Variants in DIS3 observed in about 807,000 individuals in gnomAD.
DIS3 encodes exosome complex exonuclease RRP44.
A neutral mutation model predicts 113.0 loss-of-function variants in DIS3; 103 were observed. The observed-to-expected ratio is 0.91, with a 90% confidence interval of 0.78 to 1.07. The LOEUF (loss-of-function observed/expected upper bound fraction) is 1.07. Among genes scored for constraint, DIS3 ranks in the 50% least tolerant of loss-of-function variants. DIS3 has a pLI of 0.00. For missense variants in DIS3, 1,121 were observed against 1,167.1 expected (o/e 0.96, Z 0.58); for synonymous variants, 402 against 394.3 (o/e 1.02, Z -0.23).
chr13:72,775,166 A>C (rs2033977690), intron 6 of DIS3, 45 bp downstream of exon 6: 3 of 1,525,518 alleles, frequency 2.0e-6, no homozygotes, highest in Non-Finnish European at 2.6e-6. Flanking sequence ...CATATTAATA[A>C]TACAAAGCTA....
chr13:72,766,418 A>G (rs2033752836), intron 14 of DIS3, among the ~76,000 whole-genome samples: 1 of 152,184 alleles, frequency 6.6e-6, no homozygotes, highest in South Asian at 2.1e-4. Context: ...ATTGTATTTA[A>G]TTTACTACAG....
chr13:72,781,336 C>T (rs559498299), intron 1 of DIS3: 2 of 1,551,206 alleles, frequency 1.3e-6, no homozygotes, highest in African/African-American at 2.7e-5. Flanking sequence ...CCCAGGTCCC[C>T]GGCCTCCAGG....
intron 14 of DIS3, among the ~76,000 whole-genome samples, chr13:72,767,383 AC>A (rs2033775148): frequency 6.6e-6 from 1 of 152,218 alleles, no homozygotes; most frequent in South Asian, 2.1e-4. Context: ...TAAAAAAAAA[AC>A]TTTGTGGTGT....
chr13:72,771,767 G>A, intron 11 of DIS3, 28 bp downstream of exon 11: 1 of 1,603,102 alleles, frequency 6.2e-7, no homozygotes, highest in Non-Finnish European at 8.5e-7. Flanking sequence ...GTCCATGACT[G>A]TTAAATTTTT....
rs771930385 is a variant in DIS3, at chr13:72,781,641, G to C, written c.192C>G (p.His64Gln). 22 of 1,542,136 alleles carry C rather than the reference G, an allele frequency of 1.4e-5. No homozygotes were observed. The highest frequency in any genetic ancestry group is 2.4e-5 in the South Asian group (2 of 83,558). ...ACACATTAGTGTCGGGCAGCAAGTA[G>C]TGCGGTTGCGGGCAGACGCTGCTCG... is the stretch of plus-strand genomic sequence containing the variant. ...DPASSVCPQP[H>Q]YLLPDTNVLL... Residue 64 changes from histidine (H) to glutamine (Q), a missense_variant, in exon 1 of 21, where the codon CAC (histidine) becomes CAG (glutamine). Coordinates refer to ENST00000377767, the MANE Select transcript of DIS3 (RefSeq NM_014953.5).
At chr13:72,766,148 T>A in intron 14 of DIS3, 90 bp from the exon 15 acceptor site, 1 of 1,093,558 alleles carries the variant, frequency 9.1e-7, no homozygotes, top group South Asian at 1.6e-5. Flanking sequence ...AGACAATGAC[T>A]ACAGCAAGTG....
Position 72,762,100 on chromosome 13 carries a change from G to A in DIS3, c.2165C>T (p.Ala722Val). 6.2e-7 allele frequency: 1 copy of A among 1,614,004 alleles called. No individual in the cohort carries two copies. The change falls in exon 17 of 21, where the codon GCT (alanine) becomes GTT (valine). Residue 722 changes from alanine (A) to valine (V), a missense_variant. Transcript: ENST00000377767. ...AGATTCGGCCTGATCCAAAGACTCA[G>A]CCAAAGACTTGGCTGTATCAGTCTT... ...EIKTDTAKSL[A>V]ESLDQAESPT...
intron 4 of DIS3, 25 bp from the exon 5 acceptor site, chr13:72,776,117 T>C (rs771468510): frequency 6.4e-7 from 1 of 1,574,560 alleles, no homozygotes; most frequent in South Asian, 1.2e-5. Flanking sequence ...AACCAAAAGA[T>C]GCCGCTAATA....
At position 72,775,200 on chromosome 13, in the gene DIS3, T is replaced by C. The variant is rs374986657; in HGVS notation, c.987+11A>G. 62 of 1,601,290 alleles carry C rather than the reference T, an allele frequency of 3.9e-5. No individual in the cohort carries two copies. Among genetic ancestry groups the C allele is most frequent in the Non-Finnish European group, 4.9e-5 (58 of 1,174,854 alleles). ...TACACAGACAAAAAAAAATCCTGCT[T>C]AGATTCATACCATTCGTTCTGTCTC... On this transcript the variant is annotated intron_variant, in intron 6 of 20. Transcript: ENST00000377767.
chr13:72,758,276 A>C lies in DIS3; in HGVS notation c.*1519T>G, dbSNP rs930865737. On this transcript the variant is annotated 3_prime_UTR_variant, in exon 21 of 21. Transcript: ENST00000377767. ...TAGGATACCATAGGGTATACCATCT[A>C]GGTTTGTGTAACTACATCATGATTT... The C allele has an allele frequency of 1.1e-5, 2 of 181,886 alleles. No homozygotes were observed. The highest frequency in any genetic ancestry group is 4.7e-5 in the African/African-American group (2 of 42,450). 11.3% of individuals were successfully genotyped at this position (181,886 alleles called of 1,614,324 possible).
In DIS3 at chr13:72,768,857, T is replaced by C. The variant is rs2033817161; in HGVS notation, c.1811A>G (p.Asp604Gly). The C allele has an allele frequency of 6.2e-7, 1 of 1,607,788 alleles. No individual in the cohort carries two copies. ...TCCACGGAGACTAGTGGTAATATCA[T>C]CATTCATGTTTGCTGAATCAATTCT... Reference protein sequence around the residue: ...QLRIDSANMNDDITTSLRGLN... With the variant: ...QLRIDSANMNGDITTSLRGLN... The change falls in exon 14 of 21, where the codon GAT (aspartate) becomes GGT (glycine). Residue 604 changes from aspartate (D) to glycine (G), a missense_variant. By Grantham distance (94) the Asp-to-Gly change is moderately conservative (BLOSUM62 -1). Coordinates refer to ENST00000377767, the MANE Select transcript of DIS3 (RefSeq NM_014953.5).
intron 13 of DIS3, among the ~76,000 whole-genome samples, chr13:72,769,496 CTTTTT>C (rs199556690): frequency 7.1e-6 from 1 of 141,586 alleles, no homozygotes; most frequent in Non-Finnish European, 1.5e-5. Context: ...ATTTTTTTTC[CTTTTT>C]TTTTTTTTTG....
intron 14 of DIS3, 68 bp downstream of exon 14, chr13:72,768,717 C>T: frequency 8.2e-7 from 1 of 1,217,306 alleles, no homozygotes; most frequent in Non-Finnish European, 1.1e-6. Context: ...AATAATTCAT[C>T]ATTGCCTATG....
intron 10 of DIS3, 72 bp from the exon 11 acceptor site, chr13:72,771,968 G>T: frequency 2.7e-6 from 4 of 1,508,884 alleles, no homozygotes; most frequent in Non-Finnish European, 3.6e-6. Context: ...GTTTTAATAA[G>T]ATAAAGTTTA....
chr13:72,778,150 G>A (rs940911407), intron 3 of DIS3, 37 bp downstream of exon 3: 9 of 1,498,872 alleles, frequency 6.0e-6, no homozygotes, highest in African/African-American at 1.4e-5. Context: ...ACACGCATTT[G>A]CAAACATGCA....
Position 72,758,460 on chromosome 13 carries a change from C to T in DIS3, c.*1335G>A, listed in dbSNP as rs893796904. ...TATATGGCTCCTTACACACTATCAACGGCAGAGTTGTGTACTATAGTTGCA... is the reference window on the plus strand; with the variant it reads ...TATATGGCTCCTTACACACTATCAATGGCAGAGTTGTGTACTATAGTTGCA... On this transcript the variant is annotated 3_prime_UTR_variant, in exon 21 of 21. Transcript: ENST00000377767. 3.9e-5 allele frequency: 8 copies of T among 202,886 alleles called. No individual in the cohort carries two copies. Among genetic ancestry groups the T allele is most frequent in the African/African-American group, 9.2e-5 (4 of 43,666 alleles). The allele number at this position is 202,886 out of a possible 1,614,324, so 12.6% of individuals were successfully genotyped here. A position where few individuals can be genotyped will look rare whatever the true frequency, so the allele number is the denominator to read the frequency against.
chr13:72,769,995 T>C (rs907811460), intron 13 of DIS3, among the ~76,000 whole-genome samples: 2 of 152,170 alleles, frequency 1.3e-5, no homozygotes, highest in Non-Finnish European at 2.9e-5. Flanking sequence ...ATAACCTGGC[T>C]CCATTATGAA....
At chr13:72,781,469 C>A (rs1400564371) in intron 1 of DIS3, 136 bp downstream of exon 1, 3 of 1,445,688 alleles carry the variant, frequency 2.1e-6, no homozygotes, top group African/African-American at 2.9e-5. Flanking sequence ...GAACAGGAAG[C>A]TTCGGTCCCG....
Position 72,757,005 on chromosome 13 carries a change from T to A in DIS3, c.*2790A>T, listed in dbSNP as rs1342971376. The A allele has an allele frequency of 2.6e-5, 4 of 152,204 alleles. No individual in the cohort carries two copies. The highest frequency in any genetic ancestry group is 5.9e-5 in the Non-Finnish European group (4 of 68,034). 9.4% of individuals were successfully genotyped at this position (152,204 alleles called of 1,614,324 possible). ...GTTAAGTGATATATTCCACGTAACC[T>A]GCTTAGCATAAGAACTGGCACTAGA... is the stretch of plus-strand genomic sequence containing the variant. On this transcript the variant is annotated 3_prime_UTR_variant, in exon 21 of 21. Coordinates refer to ENST00000377767, the MANE Select transcript of DIS3 (RefSeq NM_014953.5).
Sources: gnomAD v4.1 joint callset for allele counts (sites outside exome capture counted in the v4.1 genomes callset) on GRCh38, gnomAD v4.1.1 for gene constraint, MANE v1.5 for transcripts, NCBI Gene and HGNC (gene_info 2026-07-23, HGNC 2026-07-21) for gene names.